Variants in CYTH3 observed in about 807,000 individuals in gnomAD.
The protein encoded by CYTH3 is cytohesin 3.
Under a neutral mutation model 55.1 loss-of-function variants are expected in CYTH3, and 23 were observed. The ratio of observed to expected loss-of-function variants is 0.42; its 90% CI spans 0.30 to 0.59. The LOEUF is 0.59. CYTH3 is among the 20% of genes least tolerant of loss of function. CYTH3 has a pLI of 0.20. For synonymous variants in CYTH3, 249 were observed against 194.9 expected, an observed-to-expected ratio of 1.28 and a Z score of -2.31; for missense variants, 413 against 524.8, an observed-to-expected ratio of 0.79 and a Z score of 2.08.
chr7:6,246,054 G>C (rs1439365107), intron 1 of CYTH3, among the ~76,000 whole-genome samples: 1 of 151,996 alleles, frequency 6.6e-6, no homozygotes, highest in African/African-American at 2.4e-5. Context: ...GGGCAAAATA[G>C]GTAATTATCC....
At position 6,224,987 on chromosome 7, in the gene CYTH3, G is replaced by C. The variant is rs549085531; in HGVS notation, c.35-34456C>G. The stretch of plus-strand genomic sequence containing the variant: ...TTGATTCTATTTATGTTAAATATCA[G>C]AAAGGGCAAATCTATAGAGACAGAA... On this transcript the variant is annotated intron_variant, in intron 1 of 12. Coordinates refer to ENST00000350796, the MANE Select transcript of CYTH3 (RefSeq NM_004227.4). Among the ~76,000 whole-genome samples, 6 of 152,308 alleles carry C rather than the reference G, an allele frequency of 3.9e-5. No homozygotes were observed. The South Asian group carries it at 6.2e-4, about 16-fold the overall frequency.
At chr7:6,210,146 A>G (rs1045455655) in intron 1 of CYTH3, among the ~76,000 whole-genome samples, 5 of 152,178 alleles carry the variant, frequency 3.3e-5, no homozygotes, top group African/African-American at 1.2e-4. Context: ...ATCCATTGTA[A>G]GAAATGCACC....
chr7:6,211,759 A>G (rs1784324081), intron 1 of CYTH3, among the ~76,000 whole-genome samples: 1 of 152,246 alleles, frequency 6.6e-6, no homozygotes, highest in African/African-American at 2.4e-5. Context: ...GCACTTTGGG[A>G]GGCTGAGGCG....
At chr7:6,177,742 C>G (rs1219996645) in intron 5 of CYTH3, 81 bp downstream of exon 5, 1 of 1,103,822 alleles carries the variant, frequency 9.1e-7, no homozygotes, top group East Asian at 2.4e-5. Flanking sequence ...CTGTGATGGC[C>G]CCGAAAGTGG....
At chr7:6,237,466 T>A (rs377078019) in intron 1 of CYTH3, among the ~76,000 whole-genome samples, 1 of 152,134 alleles carries the variant, frequency 6.6e-6, no homozygotes, top group African/African-American at 2.4e-5. Context: ...TCCCAGCACT[T>A]TGGGAGGCCG....
In CYTH3 at chr7:6,167,693, G is replaced by A. The variant is rs1236967395; in HGVS notation, c.824-1883C>T. Among the ~76,000 whole-genome samples the A allele has an allele frequency of 6.6e-6, 1 of 152,252 alleles. No homozygotes were observed. The highest frequency in any genetic ancestry group is 2.4e-5 in the African/African-American group (1 of 41,476). ...CTCCCCAGCTGTGGCCTTTCTCCCT[G>A]CCCTGTTATCTGAGTCTCCAGTTCT... On this transcript the variant is annotated intron_variant, in intron 9 of 12. Transcript: ENST00000350796. The surrounding 1 kb of genome is among the most constrained non-coding windows in gnomAD (Gnocchi z 5.5).
At chr7:6,272,005 C>G (rs35372475) in intron 1 of CYTH3, among the ~76,000 whole-genome samples, 7,381 of 152,300 alleles carry the variant, frequency 0.048, 270 homozygotes, top group Non-Finnish European at 0.073. Context: ...CCTGTACACT[C>G]GAGGAGCCTC....
chr7:6,177,357 C>T (rs1783377893), intron 5 of CYTH3, among the ~76,000 whole-genome samples: 1 of 152,250 alleles, frequency 6.6e-6, no homozygotes, highest in South Asian at 2.1e-4. Context: ...CAGTCCTGCC[C>T]TAACCTCTGC....
intron 1 of CYTH3, among the ~76,000 whole-genome samples, chr7:6,208,926 C>A (rs1784262649): frequency 6.6e-6 from 1 of 152,212 alleles, no homozygotes; most frequent in African/African-American, 2.4e-5. Flanking sequence ...TTCCTAGACC[C>A]TATCCCAAAC....
chr7:6,248,867 T>C (rs1473339513), intron 1 of CYTH3, among the ~76,000 whole-genome samples: 2 of 152,194 alleles, frequency 1.3e-5, no homozygotes, highest in African/African-American at 4.8e-5. Context: ...ATCACTTCCA[T>C]GGGGATCTGG....
intron 1 of CYTH3, among the ~76,000 whole-genome samples, chr7:6,198,803 GA>G (rs1218604990): frequency 2.7e-5 from 4 of 150,796 alleles, no homozygotes; most frequent in African/African-American, 9.8e-5. Context: ...AGGTTAACTG[GA>G]AATCACTGGT....
chr7:6,178,625 T>G (rs1314273421), intron 4 of CYTH3, among the ~76,000 whole-genome samples: 2 of 152,238 alleles, frequency 1.3e-5, no homozygotes, highest in South Asian at 4.1e-4. Flanking sequence ...GACCGCCTTC[T>G]TGCCACTTGG....
At chr7:6,233,129 T>A (rs145089773) in intron 1 of CYTH3, among the ~76,000 whole-genome samples, 24 of 152,322 alleles carry the variant, frequency 1.6e-4, no homozygotes, top group Non-Finnish European at 3.4e-4. Context: ...TTCTAAATGT[T>A]CTCTGAAGTT....
intron 1 of CYTH3, among the ~76,000 whole-genome samples, chr7:6,196,064 T>TC (rs1243956934): frequency 6.6e-6 from 1 of 152,082 alleles, no homozygotes; most frequent in Non-Finnish European, 1.5e-5. Flanking sequence ...GCTCTAGGCT[T>TC]CCCCCAGCAA....
rs752160290 is a variant in CYTH3 at position 6,167,766 on chromosome 7, C to T, written c.824-1956G>A. ...CCAGGTTGTGTGTTTCTGTCCAGCG[C>T]CTGCTCTCTTCCTCCACGCTCCCAG... On this transcript the variant is annotated intron_variant, in intron 9 of 12. Transcript: ENST00000350796. The surrounding 1 kb of genome is among the most constrained non-coding windows in gnomAD (Gnocchi z 5.5). Among the ~76,000 whole-genome samples, 29 of 152,258 alleles carry T rather than the reference C, an allele frequency of 1.9e-4. No individual in the cohort carries two copies. Among genetic ancestry groups the T allele is most frequent in the Admixed American group, 1.3e-4 (2 of 15,292 alleles).
At chr7:6,272,409 C>G in intron 1 of CYTH3, 65 bp downstream of exon 1, 4 of 1,212,390 alleles carry the variant, frequency 3.3e-6, no homozygotes, top group Non-Finnish European at 3.2e-6. Flanking sequence ...GCCGCGCCCT[C>G]GACCCCCAGC....
chr7:6,214,178 A>T (rs1197877694), intron 1 of CYTH3, among the ~76,000 whole-genome samples: 1 of 152,228 alleles, frequency 6.6e-6, no homozygotes, highest in Non-Finnish European at 1.5e-5. Context: ...AGAGACGGAT[A>T]AACGGCCATG....
intron 1 of CYTH3, among the ~76,000 whole-genome samples, chr7:6,220,197 T>A (rs1050889874): frequency 3.3e-5 from 5 of 152,094 alleles, no homozygotes; most frequent in Admixed American, 2.0e-4. Context: ...GCGCCTGGCC[T>A]AGCCAAGTGA....
chr7:6,253,154 A>G (rs1014686836), intron 1 of CYTH3, among the ~76,000 whole-genome samples: 32 of 152,232 alleles, frequency 2.1e-4, no homozygotes, highest in African/African-American at 7.7e-4. Context: ...TCTAGTCTAT[A>G]GGATGCAAAT....
Sources: gnomAD v4.1 joint callset for allele counts (sites outside exome capture counted in the v4.1 genomes callset) on GRCh38, gnomAD v4.1.1 for gene constraint, Gnocchi (gnomAD v3.1) non-coding constraint, MANE v1.5 for transcripts, NCBI Gene and HGNC (gene_info 2026-07-23, HGNC 2026-07-21) for gene names.